DOCK3: variants seen among roughly 807,000 people sequenced by gnomAD.
DOCK3 encodes the protein dedicator of cytokinesis protein 3.
A neutral mutation model predicts 265.6 loss-of-function variants in DOCK3; 60 were observed. The observed-to-expected ratio is 0.23, with a 90% CI of 0.18 to 0.28. DOCK3 has a LOEUF of 0.28. DOCK3 is among the 10% of genes least tolerant of loss of function. The pLI, the probability that DOCK3 is intolerant of heterozygous loss-of-function variation, is 1.00. For missense variants in DOCK3, 1,981 were observed against 2,594.3 expected, an observed-to-expected ratio of 0.76 and a Z score of 5.14; for synonymous variants, 881 against 938.0, an observed-to-expected ratio of 0.94 and a Z score of 1.11.
At chr3:51,029,323 C>T (rs981087339) in intron 5 of DOCK3, among the ~76,000 whole-genome samples, 2 of 152,176 alleles carry the variant, frequency 1.3e-5, no homozygotes, top group East Asian at 1.9e-4. Flanking sequence ...TAGGCTTTTA[C>T]TTAGTTCATG....
At chr3:50,947,641 G>C (rs561337001) in intron 5 of DOCK3, among the ~76,000 whole-genome samples, 2 of 152,082 alleles carry the variant, frequency 1.3e-5, no homozygotes, top group East Asian at 3.9e-4. Flanking sequence ...AAACTTGTGT[G>C]GTTAGCATTA....
chr3:50,742,801 A>G (rs2039146732), intron 1 of DOCK3, among the ~76,000 whole-genome samples: 1 of 152,218 alleles, frequency 6.6e-6, no homozygotes, highest in South Asian at 2.1e-4. Flanking sequence ...AACTTCCCCA[A>G]TCTAGCAAGG....
chr3:51,100,798 C>CT (rs60941495), intron 9 of DOCK3, among the ~76,000 whole-genome samples: 8,417 of 143,418 alleles, frequency 0.059, 750 homozygotes, highest in African/African-American at 0.19. Flanking sequence ...TTTAATTTAT[C>CT]TTTTTTTTTT....
intron 22 of DOCK3, among the ~76,000 whole-genome samples, chr3:51,249,331 G>T (rs1387305492): frequency 2.7e-5 from 4 of 146,438 alleles, no homozygotes; most frequent in Non-Finnish European, 6.1e-5. Context: ...GGAGGTGGGG[G>T]GTTCAGGCCC....
chr3:51,073,008 A>G (rs1024067808), intron 6 of DOCK3, among the ~76,000 whole-genome samples: 3 of 152,024 alleles, frequency 2.0e-5, no homozygotes, highest in Admixed American at 6.6e-5. Flanking sequence ...GCACCTAGCC[A>G]TAAAAACACC....
rs1264636789 is a variant in DOCK3 at position 51,249,046 on chromosome 3, G to A, written c.2184+2239G>A. ...AGCCTCTCCGCCCGGCAGCCACCCC[G>A]TCTGGGAAGTGAGGAGCGTCTCCGC... On this transcript the variant is annotated intron_variant, in intron 22 of 52. Transcript: ENST00000266037. Among the ~76,000 whole-genome samples, 13 of 150,280 alleles carry A rather than the reference G, an allele frequency of 8.7e-5. No homozygotes were observed. In the East Asian group the frequency reaches 1.0e-3, roughly 12 times the overall value.
intron 5 of DOCK3, among the ~76,000 whole-genome samples, chr3:50,982,600 C>G (rs1182951901): frequency 6.6e-6 from 1 of 152,190 alleles, no homozygotes; most frequent in Non-Finnish European, 1.5e-5. Flanking sequence ...CTCTCACCTG[C>G]TGCTGCTGCA....
chr3:51,261,067 G>A (rs1400738889), intron 23 of DOCK3, among the ~76,000 whole-genome samples: 1 of 151,996 alleles, frequency 6.6e-6, no homozygotes, highest in Non-Finnish European at 1.5e-5. Context: ...AAAAACAGTA[G>A]GAGTAACTAG....
intron 4 of DOCK3, among the ~76,000 whole-genome samples, chr3:50,914,179 T>C (rs2050001374): frequency 6.6e-6 from 1 of 152,032 alleles, no homozygotes; most frequent in African/African-American, 2.4e-5. Context: ...TGTATTTTTT[T>C]CCTCAATTTT....
Position 51,381,539 on chromosome 3 carries a change from C to G in DOCK3, c.6073C>G (p.His2025Asp). The G allele has an allele frequency of 6.5e-7, 1 of 1,549,614 alleles. No homozygotes were observed. Among genetic ancestry groups the G allele is most frequent in the Non-Finnish European group, 8.7e-7 (1 of 1,150,336 alleles). The change falls in exon 53 of 53, where the codon CAC becomes GAC. Residue 2025 changes from histidine (H) to aspartate (D), a missense_variant. Transcript: ENST00000266037. This position sits in a 1 kb window ranked among gnomAD's most constrained non-coding sequence, Gnocchi z 5.6. The stretch of plus-strand genomic sequence containing the variant: ...GGAGCAGGCCCGCATGGCCTGGGAG[C>G]ACGGCCGAGGGGAGCAGTGAGGGGC... ...KEEQARMAWE[H>D]GRGEQ
chr3:51,240,828 A>T (rs2078580841), intron 21 of DOCK3, among the ~76,000 whole-genome samples: 1 of 152,166 alleles, frequency 6.6e-6, no homozygotes, highest in Non-Finnish European at 1.5e-5. Context: ...GTGTCACTGC[A>T]TGTGAGATGG....
intron 2 of DOCK3, among the ~76,000 whole-genome samples, chr3:50,819,335 T>C (rs973893400): frequency 6.6e-6 from 1 of 152,242 alleles, no homozygotes; most frequent in Middle Eastern, 3.2e-3. Context: ...ATGTTGGCTC[T>C]TCTGTAAGAA....
intron 1 of DOCK3, among the ~76,000 whole-genome samples, chr3:50,776,283 T>G (rs948293851): frequency 1.1e-4 from 16 of 152,138 alleles, no homozygotes; most frequent in African/African-American, 3.9e-4. Flanking sequence ...TGACCATTCT[T>G]GCAGAAGGTG....
intron 5 of DOCK3, among the ~76,000 whole-genome samples, chr3:51,019,557 A>T (rs2079498822): frequency 6.6e-6 from 1 of 151,842 alleles, no homozygotes; most frequent in African/African-American, 2.4e-5. Flanking sequence ...TGCTGCACAG[A>T]TCAACCCATC....
chr3:50,770,356 ATAAAAT>A (rs1171278402), intron 1 of DOCK3, among the ~76,000 whole-genome samples: 4 of 152,276 alleles, frequency 2.6e-5, no homozygotes, highest in East Asian at 1.9e-4. Context: ...ATAGTTACAC[ATAAAAT>A]TAAATAGTTA....
At chr3:50,980,565 T>G (rs2077653069) in intron 5 of DOCK3, among the ~76,000 whole-genome samples, 1 of 152,194 alleles carries the variant, frequency 6.6e-6, no homozygotes, top group Non-Finnish European at 1.5e-5. Context: ...TTGATAGAGT[T>G]CAACAATAAA....
At chr3:51,122,846 A>G (rs1387829491) in intron 9 of DOCK3, among the ~76,000 whole-genome samples, 2 of 152,194 alleles carry the variant, frequency 1.3e-5, no homozygotes, top group African/African-American at 4.8e-5. Context: ...ATAGAGATAG[A>G]TTAGGGAGAA....
At chr3:51,123,828 C>T (rs1019181189) in intron 9 of DOCK3, among the ~76,000 whole-genome samples, 1 of 152,266 alleles carries the variant, frequency 6.6e-6, no homozygotes, top group Non-Finnish European at 1.5e-5. Context: ...TAGTGAGCCA[C>T]GCTTAGTTGT....
At chr3:51,309,456 C>T (rs1038133772) in intron 27 of DOCK3, among the ~76,000 whole-genome samples, 25 of 152,296 alleles carry the variant, frequency 1.6e-4, no homozygotes, top group Middle Eastern at 3.4e-3. Flanking sequence ...TGGCGGCGCG[C>T]GCCTGCAATC....
Sources: gnomAD v4.1 joint callset for allele counts (sites outside exome capture counted in the v4.1 genomes callset) on GRCh38, gnomAD v4.1.1 for gene constraint, Gnocchi (gnomAD v3.1) non-coding constraint, MANE v1.5 for transcripts, NCBI Gene and HGNC (gene_info 2026-07-23, HGNC 2026-07-21) for gene names.